CSMD1: variants seen among roughly 807,000 people sequenced by gnomAD.
The protein encoded by CSMD1 is CUB and sushi domain-containing protein 1.
In CSMD1, 213 loss-of-function variants were observed where a neutral mutation model predicts 417.5. The observed-to-expected ratio is 0.51, with a 90% CI of 0.46 to 0.57. The LOEUF is 0.57. CSMD1 is among the 20% of genes least tolerant of loss of function. CSMD1 has a pLI of 0.00. For missense variants in CSMD1, 6,923 were observed against 4,529.7 expected (o/e 1.53, Z -15.17); for synonymous variants, 2,862 against 1,736.8 (o/e 1.65, Z -16.11).
At chr8:3,397,759 C>T (rs1283500668) in intron 16 of CSMD1, among the ~76,000 whole-genome samples, 1 of 152,162 alleles carries the variant, frequency 6.6e-6, no homozygotes, top group South Asian at 2.1e-4. Flanking sequence ...CCTATTTCAA[C>T]AGCTGGAAGA....
intron 2 of CSMD1, among the ~76,000 whole-genome samples, chr8:4,616,725 T>C (rs1490204864): frequency 6.6e-6 from 1 of 152,182 alleles, no homozygotes; most frequent in Non-Finnish European, 1.5e-5. Context: ...ATGGTGATGA[T>C]CATCATTGTG....
At chr8:3,004,183 G>A (rs932214071) in intron 52 of CSMD1, among the ~76,000 whole-genome samples, 5 of 152,136 alleles carry the variant, frequency 3.3e-5, no homozygotes, top group Admixed American at 3.3e-4. Flanking sequence ...ATTCCTCAGT[G>A]GACCTTACAC....
At chr8:3,442,912 C>A (rs926649339) in intron 12 of CSMD1, among the ~76,000 whole-genome samples, 1 of 152,070 alleles carries the variant, frequency 6.6e-6, no homozygotes, top group African/African-American at 2.4e-5. Context: ...ATTCCCCCAT[C>A]TATTTTCTGA....
intron 25 of CSMD1, among the ~76,000 whole-genome samples, chr8:3,305,555 G>A (rs999002490): frequency 6.6e-6 from 1 of 151,106 alleles, no homozygotes; most frequent in Non-Finnish European, 1.5e-5. Flanking sequence ...TTTCCTCTCT[G>A]TCTCTAGTGT....
chr8:4,317,813 C>CCTGATACAAAATA (rs1176178272), intron 3 of CSMD1, among the ~76,000 whole-genome samples: 3 of 152,134 alleles, frequency 2.0e-5, no homozygotes, highest in Non-Finnish European at 1.5e-5. Context: ...ACATTGTAGG[C>CCTGATACAAAATA]ATTCAGTAAT....
chr8:4,461,188 A>G (rs190489645), intron 2 of CSMD1, among the ~76,000 whole-genome samples: 24 of 152,042 alleles, frequency 1.6e-4, no homozygotes, highest in African/African-American at 4.8e-5. Flanking sequence ...AAAATTCAAC[A>G]TTCTTTGATG....
chr8:4,899,941 GC>G (rs1804758324), intron 1 of CSMD1, among the ~76,000 whole-genome samples: 1 of 152,140 alleles, frequency 6.6e-6, no homozygotes, highest in African/African-American at 2.4e-5. Context: ...TTCACAGTAG[GC>G]CTTTAAGAAA....
At chr8:4,057,624 A>G (rs190569362) in intron 3 of CSMD1, among the ~76,000 whole-genome samples, 108 of 146,014 alleles carry the variant, frequency 7.4e-4, no homozygotes, top group Admixed American at 1.1e-3. Context: ...TATGTCCTGA[A>G]TGGTAATGCC....
chr8:4,950,816 G>A (rs1274040007), intron 1 of CSMD1, among the ~76,000 whole-genome samples: 1 of 151,902 alleles, frequency 6.6e-6, no homozygotes, highest in Non-Finnish European at 1.5e-5. Context: ...AACCACTCTT[G>A]GTGACCATTA....
chr8:4,735,521 G>A (rs1242170300), intron 1 of CSMD1, among the ~76,000 whole-genome samples: 2 of 152,106 alleles, frequency 1.3e-5, no homozygotes, highest in African/African-American at 2.4e-5. Flanking sequence ...TTACATTAAA[G>A]GTCAGAATAA....
chr8:3,477,403 G>C (rs77031017), intron 11 of CSMD1, among the ~76,000 whole-genome samples: 1 of 152,172 alleles, frequency 6.6e-6, no homozygotes, highest in East Asian at 1.9e-4. Context: ...GGCATAAATT[G>C]TTCAGAATGT....
chr8:3,146,250 C>G (rs1383164093), intron 40 of CSMD1, among the ~76,000 whole-genome samples: 1 of 152,028 alleles, frequency 6.6e-6, no homozygotes, highest in Admixed American at 6.6e-5. Context: ...TGCCCTTAGA[C>G]ACTCTCAAGA....
chr8:3,782,882 G>T (rs952197210), intron 5 of CSMD1, among the ~76,000 whole-genome samples: 4 of 152,136 alleles, frequency 2.6e-5, no homozygotes, highest in African/African-American at 7.2e-5. Context: ...TATACCGTGA[G>T]CCATTACCAA....
At chr8:4,013,254 C>T (rs1244048715) in intron 4 of CSMD1, among the ~76,000 whole-genome samples, 1 of 152,122 alleles carries the variant, frequency 6.6e-6, no homozygotes, top group Non-Finnish European at 1.5e-5. Flanking sequence ...ACTGTCTCTC[C>T]TACAACCCTC....
At chr8:2,975,152 A>C (rs1193899390) in intron 55 of CSMD1, among the ~76,000 whole-genome samples, 2 of 152,218 alleles carry the variant, frequency 1.3e-5, no homozygotes, top group African/African-American at 4.8e-5. Flanking sequence ...GTATAAGTAA[A>C]ATAATAATAA....
chr8:3,035,464 G>A (rs1261089388), intron 50 of CSMD1, among the ~76,000 whole-genome samples: 1 of 152,128 alleles, frequency 6.6e-6, no homozygotes, highest in Non-Finnish European at 1.5e-5. Flanking sequence ...ACATCATGTT[G>A]TGTTTCTGAC....
intron 5 of CSMD1, among the ~76,000 whole-genome samples, chr8:3,959,079 G>C (rs1812153899): frequency 1.3e-5 from 2 of 152,162 alleles, no homozygotes; most frequent in African/African-American, 4.8e-5. Context: ...CTCAAGCTCA[G>C]CTCTTAACAA....
At chr8:4,239,454 T>A (rs1001727158) in intron 3 of CSMD1, among the ~76,000 whole-genome samples, 1 of 152,152 alleles carries the variant, frequency 6.6e-6, no homozygotes, top group African/African-American at 2.4e-5. Flanking sequence ...CCTGGAGCCA[T>A]CAGTGCAAGG....
At chr8:3,462,766 C>G (rs1816587050) in intron 12 of CSMD1, among the ~76,000 whole-genome samples, 1 of 151,970 alleles carries the variant, frequency 6.6e-6, no homozygotes. Flanking sequence ...TACCTTAAAA[C>G]CGGTCCCTTG....
Sources: allele counts gnomAD v4.1 joint callset (sites outside exome capture counted in the v4.1 genomes callset), GRCh38; gene constraint gnomAD v4.1.1; transcripts MANE v1.5; gene names NCBI Gene and HGNC (gene_info 2026-07-23, HGNC 2026-07-21).